SHANK2: variants seen among roughly 807,000 people sequenced by gnomAD.
The protein encoded by SHANK2 is SH3 and multiple ankyrin repeat domains 2, also known as SH3 and multiple ankyrin repeat domains protein 2.
SHANK2 carries 43 observed loss-of-function variants against 133.7 expected under a neutral mutation model. The observed-to-expected ratio is 0.32, with a 90% confidence interval of 0.25 to 0.41. The LOEUF is 0.41. Among genes scored for constraint, SHANK2 ranks in the 10% least tolerant of loss-of-function variants. The pLI is 1.00. For synonymous variants in SHANK2, 1,017 were observed against 952.8 expected (o/e 1.07, Z -1.24); for missense variants, 1,994 against 2,235.8 (o/e 0.89, Z 2.18).
intron 11 of SHANK2, among the ~76,000 whole-genome samples, chr11:70,871,111 C>T (rs536376766): frequency 3.3e-5 from 5 of 152,200 alleles, no homozygotes; most frequent in Admixed American, 3.3e-4. Flanking sequence ...ATCAGTCCTA[C>T]TGGATTAGGG....
chr11:70,668,704 G>C (rs1024640356), intron 15 of SHANK2: 2 of 152,586 alleles, frequency 1.3e-5, no homozygotes, highest in South Asian at 2.1e-4. Flanking sequence ...ACTTCCTGGA[G>C]GAGGAGGACT....
At chr11:70,727,077 C>T (rs1946193781) in intron 14 of SHANK2, among the ~76,000 whole-genome samples, 1 of 152,210 alleles carries the variant, frequency 6.6e-6, no homozygotes, top group Non-Finnish European at 1.5e-5. Flanking sequence ...AAGCCACTAA[C>T]TTTTGGGATA....
intron 11 of SHANK2, among the ~76,000 whole-genome samples, chr11:70,890,290 G>A (rs1555074371): frequency 6.6e-6 from 1 of 151,970 alleles, no homozygotes. Context: ...GATCACCTGA[G>A]GTCAGGAGTT....
In SHANK2 at chr11:70,569,282, C is replaced by T. The variant is rs1386508346; in HGVS notation, c.2062-66351G>A. ...GGAGGCTGGTGGCTAAGCCATGCCG[C>T]TGGGGTCCTGGGGGGTCAGGCTCGG... On this transcript the variant is annotated intron_variant, in intron 17 of 25. Transcript: ENST00000601538. This position sits in a 1 kb window ranked among gnomAD's most constrained non-coding sequence, Gnocchi z 5.1. Among the ~76,000 whole-genome samples the T allele has an allele frequency of 3.9e-5, 6 of 152,208 alleles. No homozygotes were observed. The highest frequency in any genetic ancestry group is 1.4e-4 in the African/African-American group (6 of 41,448).
Position 70,538,975 on chromosome 11 carries a change from C to T in SHANK2, c.2062-36044G>A, listed in dbSNP as rs538015443. Among the ~76,000 whole-genome samples the T allele has an allele frequency of 5.3e-5, 8 of 152,348 alleles. No homozygotes were observed. The East Asian group carries it at 9.7e-4, about 18-fold the overall frequency. ...AAGCCTCCTGGGTTACCCCGTCGGC[C>T]GCCACAAGCCTGGCACCCAGGCACT... On this transcript the variant is annotated intron_variant, in intron 17 of 25. Transcript: ENST00000601538.
intron 17 of SHANK2, among the ~76,000 whole-genome samples, chr11:70,658,541 A>AT (rs1214648942): frequency 1.3e-5 from 2 of 152,218 alleles, no homozygotes; most frequent in Non-Finnish European, 2.9e-5. Flanking sequence ...ATTTAAATGC[A>AT]TCTTCCAGCA....
intron 2 of SHANK2, among the ~76,000 whole-genome samples, chr11:71,169,756 A>G (rs1246567960): frequency 6.8e-6 from 1 of 148,066 alleles, no homozygotes; most frequent in African/African-American, 2.5e-5. Flanking sequence ...CTCCATCTCA[A>G]AAAAAAAAAA....
At chr11:70,742,390 C>CCTGTCCCT (rs1946547385) in intron 14 of SHANK2, among the ~76,000 whole-genome samples, 1 of 152,192 alleles carries the variant, frequency 6.6e-6, no homozygotes, top group Non-Finnish European at 1.5e-5. Context: ...GTCCCTCAGG[C>CCTGTCCCT]CACTGCACAA....
chr11:70,628,458 T>C (rs980950435), intron 17 of SHANK2, among the ~76,000 whole-genome samples: 1 of 152,218 alleles, frequency 6.6e-6, no homozygotes, highest in Admixed American at 6.5e-5. Flanking sequence ...AAAGTAAGCA[T>C]AGTCACTACT....
At chr11:70,839,660 A>T (rs535734205) in intron 11 of SHANK2, among the ~76,000 whole-genome samples, 9 of 152,280 alleles carry the variant, frequency 5.9e-5, no homozygotes, top group Admixed American at 5.9e-4. Context: ...TACCTCCAGG[A>T]GGCTGGAAGT....
At chr11:70,866,112 G>T (rs1289873663) in intron 11 of SHANK2, among the ~76,000 whole-genome samples, 1 of 152,142 alleles carries the variant, frequency 6.6e-6, no homozygotes, top group African/African-American at 2.4e-5. Context: ...GAAAGGCCTA[G>T]GGTGGTCTCC....
At chr11:70,566,373 AC>A (rs1199465108) in intron 17 of SHANK2, 1 of 152,280 alleles carries the variant, frequency 6.6e-6, no homozygotes, top group East Asian at 1.9e-4. Flanking sequence ...CTGACTTTAC[AC>A]CACCTCACTT....
intron 15 of SHANK2, among the ~76,000 whole-genome samples, chr11:70,684,185 G>A (rs1472205017): frequency 6.6e-6 from 1 of 152,076 alleles, no homozygotes; most frequent in Non-Finnish European, 1.5e-5. Context: ...CTCTCCCAGG[G>A]TCTTCACTGT....
rs909351436 is a variant in SHANK2, at chr11:70,806,922, C to T, written c.1663+80G>A. Reference sequence around the variant, plus strand: ...TTCCATGGAGAAGCACAGCCTTGGACATCGTCCCCACAGCAGGCCGGGTGA... The same window carrying T: ...TTCCATGGAGAAGCACAGCCTTGGATATCGTCCCCACAGCAGGCCGGGTGA... On this transcript the variant is annotated intron_variant, in intron 13 of 25. Coordinates refer to ENST00000601538, the MANE Select transcript of SHANK2 (RefSeq NM_012309.5). 7 of 653,116 alleles carry T rather than the reference C, an allele frequency of 1.1e-5. No homozygotes were observed. The African/African-American group carries it at 1.3e-4, about 12-fold the overall frequency. The allele number at this position is 653,116 out of a possible 1,614,324, so 40.5% of individuals were successfully genotyped here. A position where few individuals can be genotyped will look rare whatever the true frequency, so the allele number is the denominator to read the frequency against.
chr11:70,589,109 G>A (rs2060290217), intron 17 of SHANK2, among the ~76,000 whole-genome samples: 1 of 152,200 alleles, frequency 6.6e-6, no homozygotes, highest in Non-Finnish European at 1.5e-5. Flanking sequence ...GAGCCACTGC[G>A]CCCGGCCAAG....
chr11:70,807,169 G>T lies in SHANK2; in HGVS notation c.1496C>A (p.Ser499Ter). The change falls in exon 13 of 26, where the codon TCG becomes TAG. Residue 499 changes from serine to a stop codon, truncating the protein, a stop_gained and splice_region_variant. Coordinates refer to ENST00000601538, the MANE Select transcript of SHANK2 (RefSeq NM_012309.5). LOFTEE classifies it high-confidence loss of function. The surrounding 1 kb of genome is among the most constrained non-coding windows in gnomAD (Gnocchi z 4.8). ...CTTGTTGGCACCAAGAGCAAAAGGC[G>T]ACCTGGACCAGGTGAGAGGGGCAGA... ...KRPQPLWHVG[S>*]PFALGANKDS... 1.4e-6 allele frequency: 1 copy of T among 717,134 alleles called. No homozygotes were observed. Among genetic ancestry groups the T allele is most frequent in the Non-Finnish European group, 2.6e-6 (1 of 384,814 alleles). The allele number at this position is 717,134 out of a possible 1,614,324, so 44.4% of individuals were successfully genotyped here. A position where few individuals can be genotyped will look rare whatever the true frequency, so the allele number is the denominator to read the frequency against.
chr11:71,131,938 C>T (rs1952316300), intron 3 of SHANK2, among the ~76,000 whole-genome samples: 2 of 152,218 alleles, frequency 1.3e-5, no homozygotes, highest in Admixed American at 1.3e-4. Flanking sequence ...CAGAGCCACA[C>T]AGCTGCAAGA....
chr11:70,579,994 C>A (rs2060163168), intron 17 of SHANK2, among the ~76,000 whole-genome samples: 1 of 152,204 alleles, frequency 6.6e-6, no homozygotes, highest in Non-Finnish European at 1.5e-5. Flanking sequence ...CCAGCCCTGA[C>A]CACACCTTGA....
chr11:70,786,733 G>A (rs376999718), intron 14 of SHANK2, among the ~76,000 whole-genome samples: 1 of 152,090 alleles, frequency 6.6e-6, no homozygotes, highest in Non-Finnish European at 1.5e-5. Flanking sequence ...CAAAGGGAAG[G>A]CTGCACAGGG....
Sources: allele counts gnomAD v4.1 joint callset (sites outside exome capture counted in the v4.1 genomes callset), GRCh38; gene constraint gnomAD v4.1.1; non-coding constraint Gnocchi (gnomAD v3.1); transcripts MANE v1.5; gene names NCBI Gene and HGNC (gene_info 2026-07-23, HGNC 2026-07-21).